Variants in AGPAT5 observed in about 807,000 individuals in gnomAD.
AGPAT5 encodes the protein 1-acylglycerol-3-phosphate O-acyltransferase 5.
A neutral mutation model predicts 45.6 loss-of-function variants in AGPAT5; 46 were observed. That is an observed-to-expected ratio of 1.01 (90% CI 0.80 to 1.29). AGPAT5 has a LOEUF of 1.29. Ranked by LOEUF, AGPAT5 falls within the 50% of genes most tolerant of loss-of-function variation. The pLI is 0.00. For synonymous variants in AGPAT5, 272 were observed against 167.0 expected, an observed-to-expected ratio of 1.63 and a Z score of -4.85; for missense variants, 673 against 450.7, an observed-to-expected ratio of 1.49 and a Z score of -4.47.
At chr8:6,719,786 C>G (rs914780114) in intron 1 of AGPAT5, among the ~76,000 whole-genome samples, 3 of 152,186 alleles carry the variant, frequency 2.0e-5, no homozygotes, top group African/African-American at 7.2e-5. Flanking sequence ...CTTAAAAAAT[C>G]TGCTCCTAAT....
intron 3 of AGPAT5, among the ~76,000 whole-genome samples, chr8:6,731,027 C>T (rs944201121): frequency 6.6e-6 from 1 of 151,862 alleles, no homozygotes; most frequent in Non-Finnish European, 1.5e-5. Flanking sequence ...CACCATCATG[C>T]CCGGCTAAAT....
intron 1 of AGPAT5, among the ~76,000 whole-genome samples, chr8:6,722,119 A>G (rs1205968509): frequency 1.3e-5 from 2 of 152,230 alleles, no homozygotes; most frequent in Admixed American, 1.3e-4. Flanking sequence ...GGAAATGTAT[A>G]GTAATAAGGT....
intron 3 of AGPAT5, among the ~76,000 whole-genome samples, chr8:6,731,950 A>G (rs761281110): frequency 1.7e-4 from 26 of 152,148 alleles, no homozygotes; most frequent in Non-Finnish European, 2.9e-5. Context: ...TCTTAGAAGG[A>G]CTAGTTACAC....
chr8:6,729,104 G>T (rs978071126), intron 2 of AGPAT5, among the ~76,000 whole-genome samples: 1 of 152,156 alleles, frequency 6.6e-6, no homozygotes, highest in East Asian at 1.9e-4. Flanking sequence ...AAGTTAACTT[G>T]TGAATGATAA....
chr8:6,746,320 G>T (rs535680967), intron 5 of AGPAT5: 1 of 152,098 alleles, frequency 6.6e-6, no homozygotes. Flanking sequence ...TTATCTACGC[G>T]TTCTGGAGCA....
chr8:6,748,110 A>T (rs1801537504), intron 6 of AGPAT5, among the ~76,000 whole-genome samples: 2 of 152,204 alleles, frequency 1.3e-5, no homozygotes, highest in African/African-American at 4.8e-5. Flanking sequence ...AGCTCTGTAA[A>T]AGGGAGGAAG....
chr8:6,747,611 A>T, intron 5 of AGPAT5, 59 bp from the exon 6 acceptor site: 1 of 1,446,702 alleles, frequency 6.9e-7, no homozygotes, highest in Non-Finnish European at 9.5e-7. Flanking sequence ...TAGATGTTAA[A>T]CAGTATATTG....
intron 1 of AGPAT5, among the ~76,000 whole-genome samples, chr8:6,711,040 T>C (rs1291790961): frequency 6.6e-6 from 1 of 152,126 alleles, no homozygotes; most frequent in East Asian, 1.9e-4. Context: ...TATAAGTTTT[T>C]AAATAAAAGG....
Position 6,760,421 on chromosome 8 carries a change from G to A in AGPAT5, c.*3033G>A, listed in dbSNP as rs543309351. Among the ~76,000 whole-genome samples, 32 of 152,026 alleles carry A rather than the reference G, an allele frequency of 2.1e-4. No homozygotes were observed. Among genetic ancestry groups the A allele is most frequent in the Non-Finnish European group, 4.4e-4 (30 of 67,980 alleles). ...TCTTAGAAAATGAAAAGGAAATATA[G>A]AAATATAAAATTTGCTTATTATAGA... On this transcript the variant is annotated 3_prime_UTR_variant, in exon 8 of 8. Transcript: ENST00000285518.
At chr8:6,733,916 G>A (rs751386689) in intron 4 of AGPAT5, among the ~76,000 whole-genome samples, 7 of 152,006 alleles carry the variant, frequency 4.6e-5, no homozygotes, top group Non-Finnish European at 8.8e-5. Context: ...TTGCTTTTTT[G>A]CCCCCATGAA....
rs1484686365 is a variant in AGPAT5 at position 6,708,791 on chromosome 8, C to G, written c.123C>G (p.Phe41Leu). Reference sequence around the variant, plus strand: ...GGGTCTGGCGGCTGCTCTCCGCCTTCCTGCCCGCCCGCTTCTACCAAGCGC... The same window carrying G: ...GGGTCTGGCGGCTGCTCTCCGCCTTGCTGCCCGCCCGCTTCTACCAAGCGC... ...AWGVWRLLSA[F>L]LPARFYQALD... The change falls in exon 1 of 8, where the codon TTC (phenylalanine) becomes TTG (leucine). Residue 41 changes from phenylalanine to leucine, a missense_variant. Coordinates refer to ENST00000285518, the MANE Select transcript of AGPAT5 (RefSeq NM_018361.5). The G allele has an allele frequency of 6.2e-7, 1 of 1,610,108 alleles. No homozygotes were observed. Among genetic ancestry groups the G allele is most frequent in the African/African-American group, 1.3e-5 (1 of 74,910 alleles).
intron 1 of AGPAT5, among the ~76,000 whole-genome samples, chr8:6,710,286 AC>A (rs1239242137): frequency 6.6e-6 from 1 of 152,184 alleles, no homozygotes; most frequent in Non-Finnish European, 1.5e-5. Flanking sequence ...TGCATACCTT[AC>A]CTGATGTTCA....
intron 5 of AGPAT5, among the ~76,000 whole-genome samples, chr8:6,744,672 C>T (rs982673625): frequency 7.9e-5 from 12 of 152,216 alleles, no homozygotes; most frequent in Non-Finnish European, 1.6e-4. Flanking sequence ...GGCTCGCCCA[C>T]ACCATATAGC....
chr8:6,724,993 A>T (rs1800638042), intron 2 of AGPAT5, 54 bp downstream of exon 2: 1 of 646,390 alleles, frequency 1.5e-6, no homozygotes, highest in Non-Finnish European at 2.2e-6. Context: ...GCACATGGGC[A>T]TTCAAAATAC....
intron 2 of AGPAT5, 144 bp downstream of exon 2, chr8:6,725,083 TG>T (rs1800640891): frequency 3.1e-6 from 1 of 322,444 alleles, no homozygotes; most frequent in African/African-American, 2.1e-5. Context: ...TGTATTTTTG[TG>T]ATTTTACTTT....
At chr8:6,732,034 C>G (rs1587027416) in intron 3 of AGPAT5, among the ~76,000 whole-genome samples, 1 of 152,212 alleles carries the variant, frequency 6.6e-6, no homozygotes, top group East Asian at 1.9e-4. Context: ...ATTACCACCT[C>G]TAAGTCCCTC....
chr8:6,719,432 A>G (rs1410021851), intron 1 of AGPAT5, among the ~76,000 whole-genome samples: 1 of 152,132 alleles, frequency 6.6e-6, no homozygotes, highest in Non-Finnish European at 1.5e-5. Context: ...TAGAAACATA[A>G]AGCCTTCCAT....
chr8:6,747,627 G>C, intron 5 of AGPAT5, 43 bp from the exon 6 acceptor site: 1 of 1,559,656 alleles, frequency 6.4e-7, no homozygotes, highest in East Asian at 2.3e-5. Context: ...TATTGTGGAG[G>C]TGTTTTGTAA....
In AGPAT5 at chr8:6,760,846, A is replaced by G. The variant is rs1236221653; in HGVS notation, c.*3458A>G. Among the ~76,000 whole-genome samples the G allele has an allele frequency of 6.6e-6, 1 of 152,232 alleles. No individual in the cohort carries two copies. Among genetic ancestry groups the G allele is most frequent in the Non-Finnish European group, 1.5e-5 (1 of 68,028 alleles). ...TCAAAATTAGTACTTTGGTCAAAAT[A>G]TTTACAACATTCACATACTTGTCAA... is the stretch of plus-strand genomic sequence containing the variant. On this transcript the variant is annotated 3_prime_UTR_variant, in exon 8 of 8. Transcript: ENST00000285518.
Sources: allele counts gnomAD v4.1 joint callset (sites outside exome capture counted in the v4.1 genomes callset), GRCh38; gene constraint gnomAD v4.1.1; transcripts MANE v1.5; gene names NCBI Gene and HGNC (gene_info 2026-07-23, HGNC 2026-07-21).